Variants in RASGRF1 observed in about 807,000 individuals in gnomAD.
RASGRF1 encodes the protein Ras protein specific guanine nucleotide releasing factor 1, also known as ras-specific guanine nucleotide-releasing factor 1.
Under a neutral mutation model 138.7 loss-of-function variants are expected in RASGRF1, and 40 were observed. That is an observed-to-expected ratio of 0.29 (90% CI 0.22 to 0.38). The LOEUF (loss-of-function observed/expected upper bound fraction) is 0.38. Among genes scored for constraint, RASGRF1 ranks in the 10% least tolerant of loss-of-function variants. The pLI is 1.00. For synonymous variants in RASGRF1, 614 were observed against 663.2 expected (o/e 0.93, Z 1.14); for missense variants, 1,108 against 1,650.4 (o/e 0.67, Z 5.69).
chr15:79,064,374 C>T, intron 2 of RASGRF1, 46 bp downstream of exon 2: 1 of 1,570,910 alleles, frequency 6.4e-7, no homozygotes. Context: ...TCTTTTCTGC[C>T]TGGACTGTGG....
rs2057423148 is a variant in RASGRF1, at chr15:79,050,996, T to C, written c.532-1408A>G. On this transcript the variant is annotated intron_variant, in intron 3 of 26. Transcript: ENST00000558480. This position sits in a 1 kb window ranked among gnomAD's most constrained non-coding sequence, Gnocchi z 4.1. ...GGGCACTCAACACATTCTTGTTGTC[T>C]ACACAAATAAGTGAATTAAAAAAAA... is the stretch of plus-strand genomic sequence containing the variant. Among the ~76,000 whole-genome samples the C allele has an allele frequency of 6.6e-6, 1 of 152,212 alleles. No homozygotes were observed. Among genetic ancestry groups the C allele is most frequent in the Non-Finnish European group, 1.5e-5 (1 of 68,044 alleles).
intron 23 of RASGRF1, among the ~76,000 whole-genome samples, chr15:78,983,200 G>T (rs1304195134): frequency 6.6e-6 from 1 of 152,248 alleles, no homozygotes; most frequent in African/African-American, 2.4e-5. Flanking sequence ...AGCTCCTGGG[G>T]CCAGGTGCTG....
At chr15:79,077,597 C>T (rs574846496) in intron 1 of RASGRF1, among the ~76,000 whole-genome samples, 16 of 152,266 alleles carry the variant, frequency 1.1e-4, no homozygotes, top group Admixed American at 9.8e-4. Context: ...ACGGTCACAG[C>T]CATGCAAGAT....
Position 79,027,964 on chromosome 15 carries a change from AGGATTCTCAGGT to A in RASGRF1, c.1263-117_1263-106del. On this transcript the variant is annotated intron_variant, in intron 8 of 26. Transcript: ENST00000558480. This position sits in a 1 kb window ranked among gnomAD's most constrained non-coding sequence, Gnocchi z 4.8. Reference sequence around the variant, plus strand: ...AGACCTAGGAAGAAAGCCTGGCACAAGGATTCTCAGGTGGAGTCTGTGGTCATGGAGGGGAAG... The same window carrying A: ...AGACCTAGGAAGAAAGCCTGGCACAAGGAGTCTGTGGTCATGGAGGGGAAG... 8.8e-7 allele frequency: 1 copy of A among 1,132,994 alleles called. No individual in the cohort carries two copies. The highest frequency in any genetic ancestry group is 1.3e-6 in the Non-Finnish European group (1 of 764,162). The allele number at this position is 1,132,994 out of a possible 1,614,324, so 70.2% of individuals were successfully genotyped here.
chr15:78,979,185 C>A, intron 24 of RASGRF1: 1 of 1,280,424 alleles, frequency 7.8e-7, no homozygotes, highest in Non-Finnish European at 1.0e-6. Flanking sequence ...GGCTGGACAG[C>A]ACAGATGGGT....
At chr15:79,053,125 T>C (rs372670189) in intron 3 of RASGRF1, among the ~76,000 whole-genome samples, 7 of 151,808 alleles carry the variant, frequency 4.6e-5, no homozygotes, top group African/African-American at 1.5e-4. Context: ...ATTAGCTGGG[T>C]GTGGTGGCGC....
Position 79,090,590 on chromosome 15 carries a change from C to A in RASGRF1, c.-92G>T, listed in dbSNP as rs1198388117. Reference sequence around the variant, plus strand: ...CGCGCTGCGCGCTGCCTCTCTCTGGCGCTCGCTCGCTCGCTCCCTCTAGCT... The same window carrying A: ...CGCGCTGCGCGCTGCCTCTCTCTGGAGCTCGCTCGCTCGCTCCCTCTAGCT... On this transcript the variant is annotated 5_prime_UTR_variant, in exon 1 of 27. Coordinates refer to ENST00000558480, the MANE Select transcript of RASGRF1 (RefSeq NM_001145648.3). 2.0e-5 allele frequency: 30 copies of A among 1,508,752 alleles called. No individual in the cohort carries two copies. The highest frequency in any genetic ancestry group is 2.6e-5 in the Non-Finnish European group (29 of 1,115,664). The allele number at this position is 1,508,752 out of a possible 1,614,324, so 93.5% of individuals were successfully genotyped here.
chr15:78,996,722 CTG>C (rs3971620), intron 19 of RASGRF1, among the ~76,000 whole-genome samples: 150,838 of 151,792 alleles, frequency 0.99, 74,954 homozygotes, highest in Middle Eastern at 1. Context: ...CGAGTGGCGG[CTG>C]TGTGTGTGTG....
At chr15:78,986,500 C>T (rs1045988897) in intron 22 of RASGRF1, among the ~76,000 whole-genome samples, 10 of 151,900 alleles carry the variant, frequency 6.6e-5, no homozygotes, top group Admixed American at 3.3e-4. Flanking sequence ...GCACACACCA[C>T]CATGCCTGAC....
intron 5 of RASGRF1, among the ~76,000 whole-genome samples, chr15:79,044,316 G>A (rs941655079): frequency 6.6e-6 from 1 of 152,156 alleles, no homozygotes; most frequent in African/African-American, 2.4e-5. Flanking sequence ...TCCTCCTCCT[G>A]TAAACTCTCT....
intron 1 of RASGRF1, among the ~76,000 whole-genome samples, chr15:79,085,674 A>C (rs2057969889): frequency 1.3e-5 from 2 of 152,322 alleles, no homozygotes; most frequent in South Asian, 4.1e-4. Flanking sequence ...AAGGCAAGGC[A>C]GGGAGAAAGA....
At chr15:78,970,826 T>TTC (rs199831626) in intron 26 of RASGRF1, among the ~76,000 whole-genome samples, 37 of 24,330 alleles carry the variant, frequency 1.5e-3, no homozygotes, top group Admixed American at 5.4e-3. Flanking sequence ...TAGCTGAGAC[T>TTC]TTTTTTTTTT....
intron 11 of RASGRF1, 76 bp from the exon 12 acceptor site, chr15:79,017,982 T>C (rs2056904551): frequency 1.3e-6 from 2 of 1,566,474 alleles, no homozygotes; most frequent in South Asian, 1.1e-5. Context: ...TAGTGGTCCC[T>C]GTCGTACGTA....
chr15:79,072,289 T>TTTTTTTTTTTTTTTTTTTTTTTTTTTC (rs2057770242), intron 1 of RASGRF1, among the ~76,000 whole-genome samples: 2 of 131,548 alleles, frequency 1.5e-5, no homozygotes, highest in Non-Finnish European at 3.1e-5. Context: ...TTTTTTTTTT[T>TTTTTTTTTTTTTTTTTTTTTTTTTTTC]TTTTGAGACG....
Position 79,035,212 on chromosome 15 carries a change from TG to T in RASGRF1, c.879-3del, listed in dbSNP as rs1438830243. On this transcript the variant is annotated splice_polypyrimidine_tract_variant and splice_region_variant and intron_variant, in intron 5 of 26. Coordinates refer to ENST00000558480, the MANE Select transcript of RASGRF1 (RefSeq NM_001145648.3). ...TGATGTAAAAACATGATGGTTTCGC[TG>T]AAAGAGAAAGCACAGGGTCAGCTCT... The T allele has an allele frequency of 6.2e-7, 1 of 1,612,036 alleles. No homozygotes were observed. Among genetic ancestry groups the T allele is most frequent in the Non-Finnish European group, 8.5e-7 (1 of 1,178,794 alleles).
chr15:79,010,725 G>A (rs897234156), intron 13 of RASGRF1, among the ~76,000 whole-genome samples: 9 of 152,138 alleles, frequency 5.9e-5, no homozygotes, highest in Admixed American at 5.9e-4. Context: ...TTTTTTCCCA[G>A]GGAGAGTGCC....
chr15:79,007,115 A>G, intron 13 of RASGRF1, among the ~76,000 whole-genome samples: 1 of 152,260 alleles, frequency 6.6e-6, no homozygotes, highest in East Asian at 1.9e-4. Context: ...GAAAAACAAA[A>G]TGTGGTCTAT....
At chr15:79,014,657 G>A (rs954535922) in intron 13 of RASGRF1, among the ~76,000 whole-genome samples, 8 of 152,132 alleles carry the variant, frequency 5.3e-5, no homozygotes, top group Non-Finnish European at 8.8e-5. Flanking sequence ...GCTCACACCT[G>A]TAATCCCAGC....
rs535749229 is a variant in RASGRF1 at position 79,021,727 on chromosome 15, G to A, written c.1543-1623C>T. Among the ~76,000 whole-genome samples, 14 of 152,260 alleles carry A rather than the reference G, an allele frequency of 9.2e-5. No individual in the cohort carries two copies. The East Asian group carries it at 1.5e-3, about 17-fold the overall frequency. ...TGGGTTCAAATCCCAGCCCTGCCAC[G>A]TGCTGGCTTCTTCTGTCTCACTTCC... On this transcript the variant is annotated intron_variant, in intron 10 of 26. Coordinates refer to ENST00000558480, the MANE Select transcript of RASGRF1 (RefSeq NM_001145648.3).
Sources: allele counts gnomAD v4.1 joint callset (sites outside exome capture counted in the v4.1 genomes callset), GRCh38; gene constraint gnomAD v4.1.1; non-coding constraint Gnocchi (gnomAD v3.1); transcripts MANE v1.5; gene names NCBI Gene and HGNC (gene_info 2026-07-23, HGNC 2026-07-21).